Variants in B4GALT6 observed in about 807,000 individuals in gnomAD.
B4GALT6 encodes UDP-Gal:beta-GlcNAc beta-1,4-galactosyltransferase 6.
In B4GALT6, 14 loss-of-function variants were observed where a neutral mutation model predicts 46.3. The observed-to-expected ratio is 0.30, with a 90% confidence interval of 0.20 to 0.47. The LOEUF (loss-of-function observed/expected upper bound fraction) is 0.47. Ranked by LOEUF, B4GALT6 falls within the 20% of genes least tolerant of loss-of-function variation. The pLI is 0.99. For missense variants in B4GALT6, 386 were observed against 480.1 expected (o/e 0.80, Z 1.83); for synonymous variants, 168 against 162.0 (o/e 1.04, Z -0.28).
the B4GALT6 span, among the ~76,000 whole-genome samples, chr18:31,709,095 G>A: frequency 2.0e-5 from 3 of 152,104 alleles, no homozygotes; most frequent in South Asian, 2.1e-4. Context: ...TTCCTTGTCT[G>A]TAAAATGTGT....
At chr18:31,705,675 A>G in the B4GALT6 span, among the ~76,000 whole-genome samples, 1 of 152,192 alleles carries the variant, frequency 6.6e-6, no homozygotes, top group Non-Finnish European at 1.5e-5. Context: ...GGCATGAGCC[A>G]CCACACTCAG....
chr18:31,642,558 T>C (rs2073942856), intron 4 of B4GALT6, among the ~76,000 whole-genome samples: 1 of 152,220 alleles, frequency 6.6e-6, no homozygotes, highest in African/African-American at 2.4e-5. Context: ...ATGTCACAGG[T>C]ACACTTCACT....
chr18:31,627,271 T>C (rs556834174), intron 6 of B4GALT6, 150 bp from the exon 7 acceptor site: 28 of 575,444 alleles, frequency 4.9e-5, no homozygotes, highest in Middle Eastern at 6.2e-4. Context: ...CACCAAGACA[T>C]AAAACATTTT....
chr18:31,679,475 A>G (rs2074454465), intron 1 of B4GALT6, among the ~76,000 whole-genome samples: 1 of 152,210 alleles, frequency 6.6e-6, no homozygotes, highest in Non-Finnish European at 1.5e-5. Context: ...AGGGAGTGAG[A>G]AGGAGGGTAG....
At chr18:31,650,862 G>A (rs8097316) in intron 3 of B4GALT6, among the ~76,000 whole-genome samples, 5,600 of 152,006 alleles carry the variant, frequency 0.037, 361 homozygotes, top group African/African-American at 0.13. Context: ...TCCGCCTCCC[G>A]GGTTCACACC....
In B4GALT6 at chr18:31,624,513, T is replaced by C. The variant is rs117750096; in HGVS notation, c.*1101A>G. 1.1e-4 allele frequency: 17 copies of C among 152,152 alleles called. 1 individual carries two copies. The East Asian group carries it at 2.3e-3, about 21-fold the overall frequency. The allele number at this position is 152,152 out of a possible 1,614,324, so 9.4% of individuals were successfully genotyped here. A position where few individuals can be genotyped will look rare whatever the true frequency, so the allele number is the denominator to read the frequency against. ...GAAAACTAAACTTAAAATTTGTTTTTATCTACTAAGTATTTATCTTTATAA... is the reference window on the plus strand; with the variant it reads ...GAAAACTAAACTTAAAATTTGTTTTCATCTACTAAGTATTTATCTTTATAA... On this transcript the variant is annotated 3_prime_UTR_variant, in exon 9 of 9. Coordinates refer to ENST00000306851, the MANE Select transcript of B4GALT6 (RefSeq NM_004775.5).
chr18:31,721,203 TG>T, the B4GALT6 span, among the ~76,000 whole-genome samples: 1 of 141,522 alleles, frequency 7.1e-6, no homozygotes, highest in Non-Finnish European at 1.5e-5. Context: ...GGGGGCTGGG[TG>T]GGGGATAGCA....
At chr18:31,657,921 A>G (rs533737205) in intron 3 of B4GALT6, 55 bp downstream of exon 3, 2 of 1,416,482 alleles carry the variant, frequency 1.4e-6, no homozygotes, top group Admixed American at 1.7e-5. Flanking sequence ...TGTGGTTTTT[A>G]TGACTGTATT....
the B4GALT6 span, among the ~76,000 whole-genome samples, chr18:31,716,861 A>T: frequency 6.6e-6 from 1 of 152,204 alleles, no homozygotes; most frequent in Non-Finnish European, 1.5e-5. Flanking sequence ...GCACTTTGGG[A>T]GGCCGAGGCA....
the B4GALT6 span, among the ~76,000 whole-genome samples, chr18:31,723,968 C>A: frequency 6.6e-6 from 1 of 152,092 alleles, no homozygotes; most frequent in Non-Finnish European, 1.5e-5. Flanking sequence ...CACCCCACCC[C>A]ACCCCACCAG....
the B4GALT6 span, among the ~76,000 whole-genome samples, chr18:31,717,309 A>T: frequency 6.6e-6 from 1 of 152,202 alleles, no homozygotes; most frequent in Non-Finnish European, 1.5e-5. Flanking sequence ...CAATAAACTC[A>T]AGAAATTAAA....
chr18:31,629,101 T>TA (rs1455725515), intron 6 of B4GALT6, among the ~76,000 whole-genome samples: 2 of 152,200 alleles, frequency 1.3e-5, no homozygotes, highest in African/African-American at 4.8e-5. Flanking sequence ...ATTTTCTTAA[T>TA]AACATCTTTT....
At chr18:31,635,530 C>G (rs568362740) in intron 5 of B4GALT6, among the ~76,000 whole-genome samples, 1 of 151,634 alleles carries the variant, frequency 6.6e-6, no homozygotes, top group African/African-American at 2.4e-5. Context: ...AGCATTTCCA[C>G]GGAGAAAAAG....
chr18:31,683,809 A>T (rs1238328479), intron 1 of B4GALT6, among the ~76,000 whole-genome samples: 2 of 152,180 alleles, frequency 1.3e-5, no homozygotes, highest in Non-Finnish European at 2.9e-5. Context: ...TGGCACAAAA[A>T]GAATGGGGTC....
intron 1 of B4GALT6, among the ~76,000 whole-genome samples, chr18:31,666,889 T>C (rs2074289347): frequency 6.6e-6 from 1 of 152,218 alleles, no homozygotes; most frequent in Non-Finnish European, 1.5e-5. Context: ...GATCAGTATC[T>C]GTTTGGGTCA....
chr18:31,684,736 A>T (rs1164972963), upstream of B4GALT6: 1 of 1,110,358 alleles, frequency 9.0e-7, no homozygotes, highest in African/African-American at 1.6e-5. Context: ...AAGGGCGAGG[A>T]GGAGCGTTTT....
chr18:31,639,108 AG>A (rs2073898994), intron 4 of B4GALT6, among the ~76,000 whole-genome samples: 1 of 152,218 alleles, frequency 6.6e-6, no homozygotes, highest in East Asian at 1.9e-4. Context: ...AAATTGACTC[AG>A]GGAGCTAGTT....
At chr18:31,683,907 A>G (rs1011632491) in intron 1 of B4GALT6, among the ~76,000 whole-genome samples, 4 of 152,164 alleles carry the variant, frequency 2.6e-5, no homozygotes, top group African/African-American at 9.7e-5. Flanking sequence ...TGGCTCCTCC[A>G]TATTTTTACA....
chr18:31,699,274 C>CTTTTT, the B4GALT6 span, among the ~76,000 whole-genome samples: 1 of 136,284 alleles, frequency 7.3e-6, no homozygotes, highest in Non-Finnish European at 1.6e-5. Context: ...TTCTTTCTTT[C>CTTTTT]TTTTTTTTTT....
Sources: allele counts gnomAD v4.1 joint callset (sites outside exome capture counted in the v4.1 genomes callset), GRCh38; gene constraint gnomAD v4.1.1; transcripts MANE v1.5; gene names NCBI Gene and HGNC (gene_info 2026-07-23, HGNC 2026-07-21).